RIC1: variants seen among roughly 807,000 people sequenced by gnomAD.
RIC1 encodes guanine nucleotide exchange factor subunit RIC1.
RIC1 carries 88 observed loss-of-function variants against 169.0 expected under a neutral mutation model. The observed-to-expected ratio is 0.52, with a 90% CI of 0.44 to 0.62. The LOEUF (loss-of-function observed/expected upper bound fraction) is 0.62. RIC1 is among the 20% of genes least tolerant of loss of function. RIC1 has a pLI of 0.00. For missense variants in RIC1, 1,877 were observed against 1,725.5 expected, an observed-to-expected ratio of 1.09 and a Z score of -1.56; for synonymous variants, 790 against 601.5, an observed-to-expected ratio of 1.31 and a Z score of -4.59.
intron 2 of RIC1, among the ~76,000 whole-genome samples, chr9:5,665,578 A>C (rs1366357060): frequency 2.0e-5 from 3 of 152,130 alleles, no homozygotes; most frequent in Non-Finnish European, 4.4e-5. Context: ...TTGTGGGCTT[A>C]TCTGCCTTTG....
chr9:5,648,052 G>A (rs547599691), intron 1 of RIC1, among the ~76,000 whole-genome samples: 10 of 151,144 alleles, frequency 6.6e-5, no homozygotes, highest in African/African-American at 2.4e-4. Flanking sequence ...GTGTGATCTC[G>A]GCTTACTGCA....
At chr9:5,762,107 T>G (rs1192999548) in intron 17 of RIC1, among the ~76,000 whole-genome samples, 4 of 152,224 alleles carry the variant, frequency 2.6e-5, no homozygotes, top group African/African-American at 9.6e-5. Flanking sequence ...CTGTTCTCAC[T>G]TTCCCAATAG....
At position 5,696,537 on chromosome 9, in the gene RIC1, CA is replaced by C. The variant is rs574825850; in HGVS notation, c.332+6500del. Among the ~76,000 whole-genome samples, 972 of 152,166 alleles carry C rather than the reference CA, an allele frequency of 6.4e-3. 5 individuals carry two copies. The highest frequency in any genetic ancestry group is 0.01 in the Non-Finnish European group (705 of 68,006). ...TGTACCCAATAAATAACTGATCTGG[CA>C]TGTGCATTCCCATAGTATGTTTTAA... On this transcript the variant is annotated intron_variant, in intron 3 of 25. Coordinates refer to ENST00000414202, the MANE Select transcript of RIC1 (RefSeq NM_020829.4).
At chr9:5,709,664 C>G (rs1374042460) in intron 3 of RIC1, among the ~76,000 whole-genome samples, 1 of 152,182 alleles carries the variant, frequency 6.6e-6, no homozygotes, top group African/African-American at 2.4e-5. Context: ...TTCTGTGACT[C>G]TCTTCCAGTC....
intron 2 of RIC1, among the ~76,000 whole-genome samples, chr9:5,683,047 T>C (rs1172155224): frequency 6.6e-6 from 1 of 152,234 alleles, no homozygotes; most frequent in Non-Finnish European, 1.5e-5. Flanking sequence ...CCATTGGTTA[T>C]TCTAGTTAGC....
intron 6 of RIC1, among the ~76,000 whole-genome samples, chr9:5,727,841 G>T (rs924422181): frequency 6.6e-6 from 1 of 152,234 alleles, no homozygotes; most frequent in Non-Finnish European, 1.5e-5. Context: ...ATCACTAGCG[G>T]AGGCTGCAGA....
intron 12 of RIC1, among the ~76,000 whole-genome samples, chr9:5,749,264 C>T (rs753567305): frequency 7.9e-5 from 12 of 152,166 alleles, no homozygotes; most frequent in Admixed American, 7.2e-4. Context: ...ACTTAGAATT[C>T]GCCTATTTGG....
intron 6 of RIC1, among the ~76,000 whole-genome samples, chr9:5,728,869 A>G (rs1031544270): frequency 1.3e-5 from 2 of 152,180 alleles, no homozygotes; most frequent in African/African-American, 4.8e-5. Context: ...GGCTGCTGTG[A>G]CAGAGACCTA....
chr9:5,711,476 T>G (rs1462841184), intron 3 of RIC1, among the ~76,000 whole-genome samples: 1 of 152,134 alleles, frequency 6.6e-6, no homozygotes, highest in East Asian at 1.9e-4. Flanking sequence ...GTGTTCAGTT[T>G]TCCCATTTTA....
chr9:5,663,852 G>T (rs1260056213), intron 2 of RIC1, among the ~76,000 whole-genome samples: 1 of 152,144 alleles, frequency 6.6e-6, no homozygotes, highest in Non-Finnish European at 1.5e-5. Flanking sequence ...CTGTCATCAA[G>T]ATACTAGTTG....
At chr9:5,770,326 T>G (rs2131142163) in intron 23 of RIC1, 48 bp downstream of exon 23, 4 of 1,477,210 alleles carry the variant, frequency 2.7e-6, no homozygotes, top group South Asian at 1.2e-5. Context: ...TGAAGAAAAT[T>G]TATGTGCTAT....
chr9:5,715,641 C>T (rs1005337993), intron 4 of RIC1, among the ~76,000 whole-genome samples: 1 of 152,136 alleles, frequency 6.6e-6, no homozygotes, highest in Non-Finnish European at 1.5e-5. Flanking sequence ...ATTGGTTATG[C>T]TGTTGCTTAT....
chr9:5,683,531 C>A (rs1412907219), intron 2 of RIC1, among the ~76,000 whole-genome samples: 1 of 152,136 alleles, frequency 6.6e-6, no homozygotes, highest in African/African-American at 2.4e-5. Context: ...GAGTACCCGG[C>A]CGTGTGAAGT....
chr9:5,689,949 T>C lies in RIC1; in HGVS notation c.253-10T>C, dbSNP rs747623951. On this transcript the variant is annotated splice_polypyrimidine_tract_variant and intron_variant, in intron 2 of 25. Transcript: ENST00000414202. ...TCTTTAATTCATGATTAATAAAATT[T>C]CTCTTTCAGACGGCAAATGGATACA... 1.3e-6 allele frequency: 2 copies of C among 1,556,926 alleles called. No homozygotes were observed. Among genetic ancestry groups the C allele is most frequent in the African/African-American group, 2.7e-5 (2 of 72,902 alleles).
At chr9:5,674,936 AC>A (rs1271410874) in intron 2 of RIC1, among the ~76,000 whole-genome samples, 1 of 152,238 alleles carries the variant, frequency 6.6e-6, no homozygotes, top group African/African-American at 2.4e-5. Flanking sequence ...TTGGTTTACA[AC>A]TATGTTCTAA....
chr9:5,728,809 T>G (rs55659132), intron 6 of RIC1, among the ~76,000 whole-genome samples: 4,586 of 152,304 alleles, frequency 0.03, 109 homozygotes, highest in African/African-American at 0.054. Context: ...CCTTTACTCT[T>G]ATTTGTGTCG....
At chr9:5,760,195 TC>T (rs1826244793) in intron 17 of RIC1, among the ~76,000 whole-genome samples, 1 of 152,204 alleles carries the variant, frequency 6.6e-6, no homozygotes, top group African/African-American at 2.4e-5. Flanking sequence ...ACTGAAACTC[TC>T]ATAGAGAATC....
intron 8 of RIC1, among the ~76,000 whole-genome samples, chr9:5,739,992 C>G (rs953338738): frequency 2.0e-5 from 3 of 152,154 alleles, no homozygotes; most frequent in African/African-American, 7.2e-5. Context: ...AGCTCTTTCT[C>G]TATAGGAGAT....
intron 1 of RIC1, among the ~76,000 whole-genome samples, chr9:5,647,376 T>A (rs1251058205): frequency 6.6e-6 from 1 of 152,236 alleles, no homozygotes; most frequent in Admixed American, 6.5e-5. Flanking sequence ...AGGACTTACA[T>A]TGACTATGTA....
Sources: allele counts gnomAD v4.1 joint callset (sites outside exome capture counted in the v4.1 genomes callset), GRCh38; gene constraint gnomAD v4.1.1; transcripts MANE v1.5; gene names NCBI Gene and HGNC (gene_info 2026-07-23, HGNC 2026-07-21).